Variants in SF3B4 observed in about 807,000 individuals in gnomAD.
SF3B4 encodes the protein splicing factor 3b subunit 4, also known as SAP 49.
Under a neutral mutation model 34.3 loss-of-function variants are expected in SF3B4, and 3 were observed. The ratio of observed to expected loss-of-function variants is 0.09; its 90% CI spans 0.04 to 0.23. The LOEUF (loss-of-function observed/expected upper bound fraction) is 0.23. SF3B4 is among the 10% of genes least tolerant of loss of function. The pLI, the probability that SF3B4 is intolerant of heterozygous loss-of-function variation, is 1.00. For synonymous variants in SF3B4, 216 were observed against 207.8 expected (o/e 1.04, Z -0.34); for missense variants, 283 against 567.2 (o/e 0.50, Z 5.09).
chr1:149,925,779 G>C, intron 4 of SF3B4, 57 bp downstream of exon 4: 1 of 1,295,584 alleles, frequency 7.7e-7, no homozygotes, highest in Non-Finnish European at 1.1e-6. Flanking sequence ...CAGGGTGAGT[G>C]GTAACAGAGA....
At chr1:149,927,578 C>T in intron 1 of SF3B4, 148 bp downstream of exon 1, 2 of 1,074,950 alleles carry the variant, frequency 1.9e-6, no homozygotes, top group South Asian at 2.9e-5. Context: ...AGCACCCGGC[C>T]ACCCCGCCCC....
At chr1:149,927,014 AAAC>A (rs1274732312) in intron 2 of SF3B4, 96 bp from the exon 3 acceptor site, 4 of 1,457,490 alleles carry the variant, frequency 2.7e-6, no homozygotes, top group Admixed American at 2.2e-5. Flanking sequence ...AACAAGAAAG[AAAC>A]AACATCACTT....
At chr1:149,927,509 T>G (rs970074869) in intron 1 of SF3B4, 17 of 750,322 alleles carry the variant, frequency 2.3e-5, no homozygotes, top group Non-Finnish European at 3.4e-5. Context: ...TTTTTTGATT[T>G]TTTGAGTGAG....
chr1:149,923,875 C>T lies in SF3B4; in HGVS notation c.1053G>A (p.Met351Ile), dbSNP rs1553765657. The T allele has an allele frequency of 6.2e-7, 1 of 1,603,880 alleles. No individual in the cohort carries two copies. The highest frequency in any genetic ancestry group is 8.5e-7 in the Non-Finnish European group (1 of 1,176,876). Reference sequence around the variant, plus strand: ...ATCCGAATGGAGGCCCTCGGGGGGGCATGCCCATTGGAGGAGGTCCAGGAT... The same window carrying T: ...ATCCGAATGGAGGCCCTCGGGGGGGTATGCCCATTGGAGGAGGTCCAGGAT... ...MPHPGPPPMG[M>I]PPRGPPFGSP... Residue 351 changes from methionine to isoleucine, a missense_variant, in exon 5 of 6, where the codon ATG becomes ATA. Around this residue, in one of 4 missense-constraint regions of SF3B4, gnomAD observed 208 missense variants for 292.6 expected, o/e 0.71. Transcript: ENST00000271628.
chr1:149,923,834 G>A lies in SF3B4; in HGVS notation c.1087+7C>T, dbSNP rs149292275. 58 of 1,584,066 alleles carry A rather than the reference G, an allele frequency of 3.7e-5. No individual in the cohort carries two copies. In the East Asian group the frequency reaches 7.6e-4, roughly 21 times the overall value. On this transcript the variant is annotated splice_region_variant and intron_variant, in intron 5 of 5. Transcript: ENST00000271628. ...GCAGATGAGGGAGGTGGCTAGAGCCGACTTACCCATGGGAGATCCGAATGG... is the reference window on the plus strand; with the variant it reads ...GCAGATGAGGGAGGTGGCTAGAGCCAACTTACCCATGGGAGATCCGAATGG...
At chr1:149,927,604 C>G in intron 1 of SF3B4, 122 bp downstream of exon 1, 1 of 1,309,546 alleles carries the variant, frequency 7.6e-7, no homozygotes, top group Non-Finnish European at 1.1e-6. Context: ...GGCAGAGGGC[C>G]GGTCTCGCGC....
chr1:149,923,582 A>G lies in SF3B4; in HGVS notation c.1235T>C (p.Val412Ala). 1.9e-6 allele frequency: 3 copies of G among 1,560,920 alleles called. No homozygotes were observed. Among genetic ancestry groups the G allele is most frequent in the Non-Finnish European group, 2.6e-6 (3 of 1,163,700 alleles). ...GCCTCGAAGTGGGCCTCGAGGGGGA[A>G]CTGGTGGCCGGGGAGTGGGTCTGGG... ...PPPRPTPRPP[V>A]PPRGPLRGPL... The change falls in exon 6 of 6, where the codon GTT becomes GCT. Residue 412 changes from valine to alanine, a missense_variant. Transcript: ENST00000271628.
rs769863250 is a variant in SF3B4, at chr1:149,927,775, G to A, written c.-16C>T. Reference sequence around the variant, plus strand: ...CGGCAGCCATGGCGAAAGAGATCCCGCCGTCTCCCAGCAGCGGTTCCGCCT... The same window carrying A: ...CGGCAGCCATGGCGAAAGAGATCCCACCGTCTCCCAGCAGCGGTTCCGCCT... On this transcript the variant is annotated 5_prime_UTR_variant, in exon 1 of 6. Transcript: ENST00000271628. 2 of 1,551,908 alleles carry A rather than the reference G, an allele frequency of 1.3e-6. No homozygotes were observed. Among genetic ancestry groups the A allele is most frequent in the South Asian group, 1.2e-5 (1 of 83,744 alleles).
At position 149,923,574 on chromosome 1, in the gene SF3B4, G is replaced by C; in HGVS notation, c.1243C>G (p.Arg415Gly). The C allele has an allele frequency of 1.3e-6, 2 of 1,561,358 alleles. No homozygotes were observed. The highest frequency in any genetic ancestry group is 1.7e-6 in the Non-Finnish European group (2 of 1,163,736). The change falls in exon 6 of 6, where the codon CGA becomes GGA. Residue 415 changes from arginine (R) to glycine (G), a missense_variant. Transcript: ENST00000271628. ...GGGAGAGGGCCTCGAAGTGGGCCTC[G>C]AGGGGGAACTGGTGGCCGGGGAGTG... is the stretch of plus-strand genomic sequence containing the variant. Reference protein sequence around the residue: ...RPTPRPPVPPRGPLRGPLPQ With the variant: ...RPTPRPPVPPGGPLRGPLPQ
chr1:149,925,788 G>C, intron 4 of SF3B4, 48 bp downstream of exon 4: 1 of 1,417,878 alleles, frequency 7.1e-7, no homozygotes, highest in Non-Finnish European at 1.0e-6. Context: ...TGGTAACAGA[G>C]ATGCTCTACC....
intron 4 of SF3B4, among the ~76,000 whole-genome samples, chr1:149,925,144 C>T (rs1243384077): frequency 2.6e-5 from 4 of 151,918 alleles, no homozygotes; most frequent in Admixed American, 6.6e-5. Flanking sequence ...TGATAGGGAG[C>T]AGTCAAACAT....
At chr1:149,927,640 C>A (rs2092599415) in intron 1 of SF3B4, 86 bp downstream of exon 1, 1 of 1,503,024 alleles carries the variant, frequency 6.7e-7, no homozygotes, top group Admixed American at 2.0e-5. Flanking sequence ...GGAGTCCAGT[C>A]TCCCACCCCT....
intron 4 of SF3B4, chr1:149,925,547 G>A (rs140731581): frequency 2.8e-4 from 115 of 409,680 alleles, no homozygotes; most frequent in African/African-American, 2.2e-3. Context: ...AAGCGTCCCC[G>A]AGATTTGGCA....
rs782697645 is a variant in SF3B4 at position 149,923,821 on chromosome 1, G to A, written c.1087+20C>T. The A allele has an allele frequency of 3.7e-5, 58 of 1,570,410 alleles. No individual in the cohort carries two copies. In the East Asian group the frequency reaches 1.3e-3, roughly 35 times the overall value. On this transcript the variant is annotated intron_variant, in intron 5 of 5. Coordinates refer to ENST00000271628, the MANE Select transcript of SF3B4 (RefSeq NM_005850.5). ...GAACATGATAAGTGCAGATGAGGGA[G>A]GTGGCTAGAGCCGACTTACCCATGG...
chr1:149,927,465 T>C lies in SF3B4; in HGVS notation c.35-171A>G, dbSNP rs1445025846. 1.5e-5 allele frequency: 12 copies of C among 789,712 alleles called. No homozygotes were observed. The East Asian group carries it at 3.0e-4, about 19-fold the overall frequency. The allele number at this position is 789,712 out of a possible 1,614,324, so 48.9% of individuals were successfully genotyped here. A position where few individuals can be genotyped will look rare whatever the true frequency, so the allele number is the denominator to read the frequency against. ...TTCTCTCTTCCCAGGACTTCGGGAA[T>C]CCTCTGAAGTCTAATTTAGTATTGT... is the stretch of plus-strand genomic sequence containing the variant. On this transcript the variant is annotated intron_variant, in intron 1 of 5. Transcript: ENST00000271628.
chr1:149,926,067 G>A lies in SF3B4; in HGVS notation c.707-25C>T, dbSNP rs374764495. The A allele has an allele frequency of 1.7e-6, 2 of 1,203,304 alleles. No homozygotes were observed. The highest frequency in any genetic ancestry group is 1.5e-5 in the African/African-American group (1 of 65,746). 74.5% of individuals were successfully genotyped at this position (1,203,304 alleles called of 1,614,324 possible). On this transcript the variant is annotated intron_variant, in intron 3 of 5. Coordinates refer to ENST00000271628, the MANE Select transcript of SF3B4 (RefSeq NM_005850.5). The surrounding 1 kb of genome is among the most constrained non-coding windows in gnomAD (Gnocchi z 6.2). Reference sequence around the variant, plus strand: ...CCTATAGAGGAAATGGAAAAAGGAAGAGTTAATGGTAGTGAGGAGAAAATG... The same window carrying A: ...CCTATAGAGGAAATGGAAAAAGGAAAAGTTAATGGTAGTGAGGAGAAAATG...
intron 4 of SF3B4, 24 bp downstream of exon 4, chr1:149,925,812 C>G: frequency 6.3e-7 from 1 of 1,594,060 alleles, no homozygotes; most frequent in Non-Finnish European, 8.6e-7. Flanking sequence ...CTCTTCCCTC[C>G]CTTTCCCAAC....
chr1:149,926,960 A>T lies in SF3B4; in HGVS notation c.164-42T>A, dbSNP rs781841019. 6.5e-7 allele frequency: 1 copy of T among 1,544,612 alleles called. No individual in the cohort carries two copies. The highest frequency in any genetic ancestry group is 8.7e-7 in the Non-Finnish European group (1 of 1,146,802). On this transcript the variant is annotated intron_variant, in intron 2 of 5. Transcript: ENST00000271628. This position sits in a 1 kb window ranked among gnomAD's most constrained non-coding sequence, Gnocchi z 6.2. ...GAGGAGGTTAACAACGTAAGTAAAG[A>T]GACTGAAAATGGGGTAAAATTCATC...
Position 149,926,936 on chromosome 1 carries a change from A to G in SF3B4, c.164-18T>C. ...GCCATAGCCTGGAAAAGTGGAGAAG[A>G]GGAGGTTAACAACGTAAGTAAAGAG... On this transcript the variant is annotated intron_variant, in intron 2 of 5. Transcript: ENST00000271628. This position sits in a 1 kb window ranked among gnomAD's most constrained non-coding sequence, Gnocchi z 6.2. 1 of 1,583,884 alleles carries G rather than the reference A, an allele frequency of 6.3e-7. No individual in the cohort carries two copies. The highest frequency in any genetic ancestry group is 8.6e-7 in the Non-Finnish European group (1 of 1,166,038).
Sources: gnomAD v4.1 joint callset for allele counts (sites outside exome capture counted in the v4.1 genomes callset) on GRCh38, gnomAD v4.1.1 for gene constraint, gnomAD v4.1.1 regional missense constraint, Gnocchi (gnomAD v3.1) non-coding constraint, MANE v1.5 for transcripts, NCBI Gene and HGNC (gene_info 2026-07-23, HGNC 2026-07-21) for gene names.